PRIM2: variants seen among roughly 807,000 people sequenced by gnomAD.
The protein encoded by PRIM2 is DNA primase subunit 2.
Under a neutral mutation model 67.3 loss-of-function variants are expected in PRIM2, and 39 were observed. The ratio of observed to expected loss-of-function variants is 0.58; its 90% CI spans 0.45 to 0.76. The LOEUF is 0.76. Among genes scored for constraint, PRIM2 ranks in the 30% least tolerant of loss-of-function variants. The pLI is 0.00. For synonymous variants in PRIM2, 143 were observed against 198.7 expected (o/e 0.72, Z 2.36); for missense variants, 398 against 598.7 (o/e 0.66, Z 3.50).
At chr6:57,409,483 A>C (rs576496372) in intron 7 of PRIM2, among the ~76,000 whole-genome samples, 1 of 151,986 alleles carries the variant, frequency 6.6e-6, no homozygotes, top group Non-Finnish European at 1.5e-5. Context: ...CTGGATAAAT[A>C]CTTTTAAGGA....
intron 5 of PRIM2, among the ~76,000 whole-genome samples, chr6:57,342,140 GAT>G (rs1768514109): frequency 6.6e-6 from 1 of 152,156 alleles, no homozygotes; most frequent in Non-Finnish European, 1.5e-5. Context: ...GCAGTGCATT[GAT>G]ACTTTTTTAG....
chr6:57,318,017 C>T (rs1231761547), intron 1 of PRIM2, among the ~76,000 whole-genome samples: 1 of 152,180 alleles, frequency 6.6e-6, no homozygotes, highest in Admixed American at 6.5e-5. Context: ...GGACCCAGTC[C>T]ATCAAGTAAG....
chr6:57,222,795 T>C, the PRIM2 span, among the ~76,000 whole-genome samples: 2 of 152,208 alleles, frequency 1.3e-5, no homozygotes, highest in African/African-American at 4.8e-5. Context: ...AAAAAAAAGA[T>C]GGAAAATACC....
chr6:57,323,617 G>A (rs1429264225), intron 3 of PRIM2, among the ~76,000 whole-genome samples: 1 of 152,008 alleles, frequency 6.6e-6, no homozygotes, highest in Non-Finnish European at 1.5e-5. Context: ...CCACACCAGG[G>A]CCTGTCAGGG....
chr6:57,492,484 A>G (rs1221587648), intron 7 of PRIM2, among the ~76,000 whole-genome samples: 4 of 152,014 alleles, frequency 2.6e-5, no homozygotes, highest in African/African-American at 9.7e-5. Context: ...CGGAGGCTGC[A>G]GTGAGCCCAG....
chr6:57,430,470 T>C (rs1316383214), intron 7 of PRIM2, among the ~76,000 whole-genome samples: 2 of 112,616 alleles, frequency 1.8e-5, no homozygotes, highest in Non-Finnish European at 1.9e-5. Flanking sequence ...TTTTTTTTTT[T>C]TGAGATGGAG....
chr6:57,288,548 A>G, the PRIM2 span, among the ~76,000 whole-genome samples: 1 of 152,156 alleles, frequency 6.6e-6, no homozygotes, highest in Admixed American at 6.5e-5. Context: ...CAATAGGGGC[A>G]ACAGACACCT....
intron 7 of PRIM2, among the ~76,000 whole-genome samples, chr6:57,431,232 T>C (rs1581897741): frequency 6.6e-6 from 1 of 152,092 alleles, no homozygotes; most frequent in Non-Finnish European, 1.5e-5. Flanking sequence ...TGTAGCACAA[T>C]GGAAAGCACA....
At chr6:57,457,116 A>C (rs1255199008) in intron 7 of PRIM2, among the ~76,000 whole-genome samples, 1 of 149,646 alleles carries the variant, frequency 6.7e-6, no homozygotes, top group Non-Finnish European at 1.5e-5. Flanking sequence ...ATTGGTGAGC[A>C]GCAAATGTTC....
rs72377931 is a variant in PRIM2, at chr6:57,364,073, G to GTT, written c.460-15817_460-15816dup. Among the ~76,000 whole-genome samples the GTT allele has an allele frequency of 5.3e-5, 7 of 133,212 alleles. No individual in the cohort carries two copies. The South Asian group carries it at 7.3e-4, about 14-fold the overall frequency. 87.4% of individuals were successfully genotyped at this position (133,212 alleles called of 152,430 possible). A position where few individuals can be genotyped will look rare whatever the true frequency, so the allele number is the denominator to read the frequency against. On this transcript the variant is annotated intron_variant, in intron 5 of 13. Transcript: ENST00000615550. ...AAATTTTGGCTACTGTAATTTATTT[G>GTT]TTTTTTTTTTTTCACATCTGCTATG...
intron 7 of PRIM2, among the ~76,000 whole-genome samples, chr6:57,430,521 T>C (rs1771788589): frequency 7.4e-6 from 1 of 135,990 alleles, no homozygotes; most frequent in African/African-American, 2.6e-5. Flanking sequence ...TGGCGCAATC[T>C]CAGCTCACTG....
At chr6:57,600,747 C>A in intron 10 of PRIM2, among the ~76,000 whole-genome samples, 1 of 152,174 alleles carries the variant, frequency 6.6e-6, no homozygotes, top group South Asian at 2.1e-4. Context: ...AGAAAAGAGG[C>A]TAAACTGATT....
intron 7 of PRIM2, among the ~76,000 whole-genome samples, chr6:57,450,511 A>C (rs1772507687): frequency 6.6e-6 from 1 of 152,186 alleles, no homozygotes; most frequent in South Asian, 2.1e-4. Context: ...TTCTATCTAA[A>C]AGGCTTGGCA....
chr6:57,447,546 G>T (rs547429306), intron 7 of PRIM2, among the ~76,000 whole-genome samples: 8 of 152,292 alleles, frequency 5.3e-5, no homozygotes, highest in Admixed American at 3.3e-4. Context: ...AAGGTGTGAT[G>T]AATGAAATAA....
At chr6:57,575,595 AT>A (rs1157436584) in intron 10 of PRIM2, among the ~76,000 whole-genome samples, 1 of 152,208 alleles carries the variant, frequency 6.6e-6, no homozygotes, top group African/African-American at 2.4e-5. Flanking sequence ...CTTAAATGAT[AT>A]TGTGAAAATA....
chr6:57,525,756 C>A lies in PRIM2; in HGVS notation c.762-6655C>A, dbSNP rs1431725903. 1.3e-3 allele frequency among the ~76,000 whole-genome samples: 205 copies of A among 152,332 alleles called. 5 individuals are homozygous for A. The East Asian group carries it at 0.018, about 13-fold the overall frequency. ...TCACCCTTCATTTAGAAGAGACCTC[C>A]TCTCTGCGGGCTTGAGGAACAATTG... On this transcript the variant is annotated intron_variant, in intron 8 of 13. Coordinates refer to ENST00000615550, the MANE Select transcript of PRIM2 (RefSeq NM_000947.5).
intron 7 of PRIM2, among the ~76,000 whole-genome samples, chr6:57,407,290 A>G (rs1439889102): frequency 1.3e-5 from 2 of 151,986 alleles, no homozygotes; most frequent in East Asian, 3.9e-4. Flanking sequence ...TAAGTAGCTT[A>G]AAGTTTTGTA....
chr6:57,558,116 C>G (rs1276467661), intron 10 of PRIM2, among the ~76,000 whole-genome samples: 2 of 152,136 alleles, frequency 1.3e-5, no homozygotes, highest in Non-Finnish European at 2.9e-5. Context: ...TTAAGTCAGC[C>G]TCTCTGGACT....
the PRIM2 span, chr6:57,222,362 C>T: frequency 6.6e-6 from 1 of 152,462 alleles, no homozygotes; most frequent in Non-Finnish European, 1.5e-5. Context: ...TGCCCCGCCC[C>T]TGTTCTGGCG....
Sources: allele counts gnomAD v4.1 joint callset (sites outside exome capture counted in the v4.1 genomes callset), GRCh38; gene constraint gnomAD v4.1.1; transcripts MANE v1.5; gene names NCBI Gene and HGNC (gene_info 2026-07-23, HGNC 2026-07-21).